Variants in ZNF892 observed in about 807,000 individuals in gnomAD.
ZNF892 encodes the protein zinc finger protein 892.
the ZNF892 span, chr2:95,207,662 G>A: frequency 2.5e-6 from 1 of 395,976 alleles, no homozygotes; most frequent in Non-Finnish European, 4.4e-6. Context: ...TTTAATCTGA[G>A]TGTCCGGGAG....
the ZNF892 span, among the ~76,000 whole-genome samples, chr2:95,209,243 A>T: frequency 1.3e-5 from 2 of 152,080 alleles, no homozygotes; most frequent in Non-Finnish European, 2.9e-5. Flanking sequence ...AAGACAGAAT[A>T]GCTTTGGCCA....
chr2:95,262,987 A>G, the ZNF892 span, among the ~76,000 whole-genome samples: 2 of 152,346 alleles, frequency 1.3e-5, no homozygotes, highest in South Asian at 4.1e-4. Flanking sequence ...CATTCAAGGT[A>G]TGGCTGTGAC....
chr2:95,225,119 C>T, the ZNF892 span, among the ~76,000 whole-genome samples: 1 of 152,226 alleles, frequency 6.6e-6, no homozygotes, highest in Non-Finnish European at 1.5e-5. Flanking sequence ...GCTTCTTTCA[C>T]TTACCATAAT....
the ZNF892 span, among the ~76,000 whole-genome samples, chr2:95,249,256 T>C: frequency 1.1e-4 from 9 of 81,288 alleles, no homozygotes; most frequent in East Asian, 2.7e-3. Flanking sequence ...TTTTTTTTTT[T>C]CTGAGACAGA....
the ZNF892 span, among the ~76,000 whole-genome samples, chr2:95,251,609 G>A: frequency 2.6e-5 from 4 of 152,178 alleles, no homozygotes; most frequent in Non-Finnish European, 5.9e-5. Context: ...AGGCTGAGAC[G>A]GCAATGACCC....
chr2:95,259,790 C>T, the ZNF892 span: 3 of 152,282 alleles, frequency 2.0e-5, no homozygotes, highest in African/African-American at 7.2e-5. Context: ...CTGCCTTTGA[C>T]TAATTTTTAA....
the ZNF892 span, among the ~76,000 whole-genome samples, chr2:95,233,672 CAAAAAAA>C: frequency 6.3e-4 from 22 of 35,174 alleles, no homozygotes; most frequent in African/African-American, 2.6e-3. Context: ...GACTCCATCT[CAAAAAAA>C]AAAAAAAAAA....
chr2:95,220,198 G>T, the ZNF892 span, among the ~76,000 whole-genome samples: 1 of 152,216 alleles, frequency 6.6e-6, no homozygotes, highest in African/African-American at 2.4e-5. Flanking sequence ...CCTGGTGAGG[G>T]TGGAAGTATA....
the ZNF892 span, among the ~76,000 whole-genome samples, chr2:95,249,290 G>A: frequency 1.6e-5 from 2 of 123,360 alleles, no homozygotes; most frequent in African/African-American, 6.1e-5. Flanking sequence ...ACCCAGGCTG[G>A]AGTGCAGTGG....
chr2:95,210,237 A>ATG, the ZNF892 span, among the ~76,000 whole-genome samples: 1 of 149,594 alleles, frequency 6.7e-6, no homozygotes, highest in African/African-American at 2.4e-5. Context: ...ATGTGTATAT[A>ATG]TGTATATATA....
the ZNF892 span, among the ~76,000 whole-genome samples, chr2:95,234,023 T>G: frequency 6.6e-6 from 1 of 152,214 alleles, no homozygotes; most frequent in African/African-American, 2.4e-5. Context: ...GAAATATGTG[T>G]GTCTTTTTTT....
the ZNF892 span, among the ~76,000 whole-genome samples, chr2:95,250,541 A>T: frequency 6.8e-6 from 1 of 147,498 alleles, no homozygotes; most frequent in Non-Finnish European, 1.5e-5. Context: ...ATAAATTTAT[A>T]AATTTAAAAT....
At chr2:95,243,488 G>A in the ZNF892 span, among the ~76,000 whole-genome samples, 56 of 149,294 alleles carry the variant, frequency 3.8e-4, 1 homozygote, top group African/African-American at 6.2e-4. Context: ...TGTGGGGAGC[G>A]CCTCTGCCCT....
the ZNF892 span, among the ~76,000 whole-genome samples, chr2:95,229,019 C>CT: frequency 6.6e-6 from 1 of 152,244 alleles, no homozygotes; most frequent in East Asian, 1.9e-4. Flanking sequence ...GTCTTCCTGC[C>CT]TTTTTTTCCA....
At chr2:95,206,853 A>C in the ZNF892 span, among the ~76,000 whole-genome samples, 2 of 152,098 alleles carry the variant, frequency 1.3e-5, no homozygotes, top group Admixed American at 6.6e-5. Flanking sequence ...TTTCCCAGCT[A>C]GAGAGAGTCT....
At chr2:95,219,061 C>T in the ZNF892 span, among the ~76,000 whole-genome samples, 707 of 152,144 alleles carry the variant, frequency 4.6e-3, 2 homozygotes, top group Middle Eastern at 0.01. Flanking sequence ...TGCAGTGGCG[C>T]GATTTCAGCT....
At chr2:95,242,522 C>A in the ZNF892 span, among the ~76,000 whole-genome samples, 7 of 152,294 alleles carry the variant, frequency 4.6e-5, no homozygotes, top group African/African-American at 1.4e-4. Flanking sequence ...AAAACTGTTA[C>A]CGGCCACTAC....
At chr2:95,232,709 A>C in the ZNF892 span, among the ~76,000 whole-genome samples, 2 of 92,566 alleles carry the variant, frequency 2.2e-5, no homozygotes, top group African/African-American at 9.0e-5. Flanking sequence ...CAGCAACAAC[A>C]GCAACAGGAA....
chr2:95,218,633 G>A, the ZNF892 span, among the ~76,000 whole-genome samples: 2 of 152,028 alleles, frequency 1.3e-5, no homozygotes, highest in Non-Finnish European at 2.9e-5. Flanking sequence ...CCCCCTTCTG[G>A]GTACCAAAAT....
Sources: allele counts gnomAD v4.1 joint callset (sites outside exome capture counted in the v4.1 genomes callset), GRCh38; gene constraint gnomAD v4.1.1; transcripts MANE v1.5; gene names NCBI Gene and HGNC (gene_info 2026-07-23, HGNC 2026-07-21).